PRKCB: variants seen among roughly 807,000 people sequenced by gnomAD.
The protein encoded by PRKCB is protein kinase C beta type.
Under a neutral mutation model 81.5 loss-of-function variants are expected in PRKCB, and 13 were observed. The ratio of observed to expected loss-of-function variants is 0.16; its 90% CI spans 0.10 to 0.25. PRKCB has a LOEUF of 0.25. Ranked by LOEUF, PRKCB falls within the 10% of genes least tolerant of loss-of-function variation. The pLI is 1.00. For missense variants in PRKCB, 509 were observed against 875.7 expected, an observed-to-expected ratio of 0.58 and a Z score of 5.29; for synonymous variants, 335 against 321.4, an observed-to-expected ratio of 1.04 and a Z score of -0.45.
At chr16:23,900,215 G>A (rs1963448718) in intron 2 of PRKCB, among the ~76,000 whole-genome samples, 1 of 152,122 alleles carries the variant, frequency 6.6e-6, no homozygotes, top group Non-Finnish European at 1.5e-5. Context: ...CAGTGCCATG[G>A]TTGAGAAACC....
chr16:23,953,525 A>G (rs1964310635), intron 2 of PRKCB, among the ~76,000 whole-genome samples: 1 of 152,200 alleles, frequency 6.6e-6, no homozygotes, highest in Non-Finnish European at 1.5e-5. Context: ...AGAGCTCCTC[A>G]TCCTGTTAGA....
At position 23,927,372 on chromosome 16, in the gene PRKCB, G is replaced by T. The variant is rs140722375; in HGVS notation, c.206-61136G>T. Among the ~76,000 whole-genome samples, 427 of 152,170 alleles carry T rather than the reference G, an allele frequency of 2.8e-3. 5 individuals are homozygous for T. Among genetic ancestry groups the T allele is most frequent in the East Asian group, 6.2e-3 (32 of 5,188 alleles). ...ATGTTTGTGTATTTTCAGGGTAGGGGATGTGTTTAGGGACAAGCTCAGAGA... is the reference window on the plus strand; with the variant it reads ...ATGTTTGTGTATTTTCAGGGTAGGGTATGTGTTTAGGGACAAGCTCAGAGA... On this transcript the variant is annotated intron_variant, in intron 2 of 16. Transcript: ENST00000643927.
intron 5 of PRKCB, among the ~76,000 whole-genome samples, chr16:24,036,507 T>A (rs140823962): frequency 1.4e-3 from 209 of 152,308 alleles, no homozygotes; most frequent in African/African-American, 4.8e-3. Context: ...ATGGAAGAGA[T>A]TAATTTTGCA....
At chr16:23,932,890 G>A (rs766089478) in intron 2 of PRKCB, among the ~76,000 whole-genome samples, 1 of 152,182 alleles carries the variant, frequency 6.6e-6, no homozygotes, top group Non-Finnish European at 1.5e-5. Context: ...AGGAGATGAA[G>A]ATGGAAAACT....
At chr16:24,163,246 A>G (rs867468315) in intron 10 of PRKCB, among the ~76,000 whole-genome samples, 1 of 152,200 alleles carries the variant, frequency 6.6e-6, no homozygotes, top group South Asian at 2.1e-4. Context: ...CACCATCTTG[A>G]GTCCAAGGAG....
chr16:24,110,235 G>A (rs562349337), intron 7 of PRKCB, among the ~76,000 whole-genome samples: 107 of 151,276 alleles, frequency 7.1e-4, no homozygotes, highest in African/African-American at 2.4e-3. Flanking sequence ...TTCTTGAGAC[G>A]GTGTCTCGCT....
rs534481867 is a variant in PRKCB, at chr16:24,003,152, A to G, written c.288+14562A>G. Among the ~76,000 whole-genome samples the G allele has an allele frequency of 1.1e-4, 17 of 152,030 alleles. No individual in the cohort carries two copies. The East Asian group carries it at 1.4e-3, about 12-fold the overall frequency. On this transcript the variant is annotated intron_variant, in intron 3 of 16. Transcript: ENST00000643927. ...CTCTTACTAGCCTCCAATCCCTTAT[A>G]CTTTCCCAACACCATGCCCACACCT...
chr16:23,989,003 C>T (rs1267241888), intron 3 of PRKCB, among the ~76,000 whole-genome samples: 1 of 152,084 alleles, frequency 6.6e-6, no homozygotes, highest in East Asian at 1.9e-4. Context: ...CTCTATCGCC[C>T]AGGCTGGAGT....
chr16:23,884,327 C>G (rs10852258), intron 2 of PRKCB, among the ~76,000 whole-genome samples: 119,545 of 152,216 alleles, frequency 0.79, 47,067 homozygotes, highest in East Asian at 0.98. Context: ...ACATCATATA[C>G]ATGGGGACAT....
chr16:24,198,601 G>A (rs1177210505), intron 16 of PRKCB, among the ~76,000 whole-genome samples: 1 of 152,200 alleles, frequency 6.6e-6, no homozygotes, highest in Non-Finnish European at 1.5e-5. Flanking sequence ...GCCTCTGAAA[G>A]TGCTGGGGGT....
chr16:24,113,152 T>C, intron 8 of PRKCB, 83 bp downstream of exon 8: 1 of 987,128 alleles, frequency 1.0e-6, no homozygotes. Flanking sequence ...TCTTTCTTTC[T>C]CTTTCTCTCT....
chr16:24,010,327 A>G (rs1484404446), intron 3 of PRKCB, among the ~76,000 whole-genome samples: 1 of 152,148 alleles, frequency 6.6e-6, no homozygotes, highest in Non-Finnish European at 1.5e-5. Flanking sequence ...AATCCCCTAA[A>G]TTTAGATTTT....
intron 9 of PRKCB, among the ~76,000 whole-genome samples, chr16:24,128,397 C>A: frequency 6.7e-6 from 1 of 148,926 alleles, no homozygotes; most frequent in African/African-American, 2.6e-5. Flanking sequence ...CAACAACAGC[C>A]CCACTAATAA....
chr16:24,216,673 G>A lies in PRKCB; in HGVS notation c.*1857G>A. 1 of 985,460 alleles carries A rather than the reference G, an allele frequency of 1.0e-6. No homozygotes were observed. The highest frequency in any genetic ancestry group is 1.2e-6 in the Non-Finnish European group (1 of 829,968). The allele number at this position is 985,460 out of a possible 1,614,324, so 61.0% of individuals were successfully genotyped here. The stretch of plus-strand genomic sequence containing the variant: ...CTGTCCTCTTCTTGCTTCAGGCTTG[G>A]GGACCGTCCCTGCTGTCCCCACTGT... On this transcript the variant is annotated 3_prime_UTR_variant, in exon 17 of 17. Coordinates refer to ENST00000643927, the MANE Select transcript of PRKCB (RefSeq NM_002738.7).
Position 23,849,940 on chromosome 16 carries a change from A to C in PRKCB, c.205+12534A>C, listed in dbSNP as rs370745486. Reference sequence around the variant, plus strand: ...ATCTCCAAACCTATTCCCCTTGTCTATCTGAAACTTTGTATCCTTTGATCA... The same window carrying C: ...ATCTCCAAACCTATTCCCCTTGTCTCTCTGAAACTTTGTATCCTTTGATCA... On this transcript the variant is annotated intron_variant, in intron 2 of 16. Coordinates refer to ENST00000643927, the MANE Select transcript of PRKCB (RefSeq NM_002738.7). 1.8e-4 allele frequency among the ~76,000 whole-genome samples: 28 copies of C among 152,278 alleles called. No homozygotes were observed. The East Asian group carries it at 4.4e-3, about 24-fold the overall frequency.
intron 8 of PRKCB, among the ~76,000 whole-genome samples, chr16:24,122,449 C>T (rs1446571262): frequency 5.8e-4 from 57 of 97,574 alleles, no homozygotes; most frequent in African/African-American, 1.6e-3. Context: ...TACCACGAGG[C>T]TTTTTTTTTT....
chr16:24,198,771 T>C (rs1378103908), intron 16 of PRKCB, among the ~76,000 whole-genome samples: 1 of 152,152 alleles, frequency 6.6e-6, no homozygotes, highest in African/African-American at 2.4e-5. Flanking sequence ...GATTGTCAAG[T>C]GTTCTAAAAT....
At chr16:23,913,183 G>A (rs1258610667) in intron 2 of PRKCB, among the ~76,000 whole-genome samples, 1 of 152,102 alleles carries the variant, frequency 6.6e-6, no homozygotes, top group Non-Finnish European at 1.5e-5. Flanking sequence ...GTAGAGTAAG[G>A]AACAGGAAAG....
At chr16:23,940,799 C>T (rs1167511244) in intron 2 of PRKCB, among the ~76,000 whole-genome samples, 10 of 152,188 alleles carry the variant, frequency 6.6e-5, no homozygotes, top group African/African-American at 1.4e-4. Context: ...CTGGTACTCT[C>T]GGATTTATGT....
Sources: allele counts gnomAD v4.1 joint callset (sites outside exome capture counted in the v4.1 genomes callset), GRCh38; gene constraint gnomAD v4.1.1; transcripts MANE v1.5; gene names NCBI Gene and HGNC (gene_info 2026-07-23, HGNC 2026-07-21).